KCNN2: variants seen among roughly 807,000 people sequenced by gnomAD.
KCNN2 encodes small conductance calcium-activated potassium channel protein 2.
In KCNN2, 24 loss-of-function variants were observed where a neutral mutation model predicts 55.5. That is an observed-to-expected ratio of 0.43 (90% CI 0.31 to 0.61). The LOEUF is 0.61. Ranked by LOEUF, KCNN2 falls within the 20% of genes least tolerant of loss-of-function variation. The pLI is 0.08. For synonymous variants in KCNN2, 431 were observed against 336.1 expected, an observed-to-expected ratio of 1.28 and a Z score of -3.09; for missense variants, 754 against 853.6, an observed-to-expected ratio of 0.88 and a Z score of 1.45.
chr5:114,083,057 A>C (rs1026236081), intron 1 of KCNN2, among the ~76,000 whole-genome samples: 1 of 152,170 alleles, frequency 6.6e-6, no homozygotes, highest in African/African-American at 2.4e-5. Flanking sequence ...TTAAGATGGC[A>C]AATTTTGTCA....
rs188250878 is a variant in KCNN2, at chr5:114,297,447, A to G, written c.-184-63498A>G. 5.9e-5 allele frequency among the ~76,000 whole-genome samples: 9 copies of G among 152,326 alleles called. No homozygotes were observed. In the East Asian group the frequency reaches 1.5e-3, roughly 26 times the overall value. On this transcript the variant is annotated intron_variant, in intron 2 of 10. Coordinates refer to the KCNN2 transcript ENST00000512097. The stretch of plus-strand genomic sequence containing the variant: ...TTGCTCTTTATTCAGAGAAAAGAAT[A>G]TGTGCTACTTGATGACAGTGACAGT...
At chr5:114,179,145 A>C (rs1753189830) in intron 1 of KCNN2, among the ~76,000 whole-genome samples, 1 of 152,204 alleles carries the variant, frequency 6.6e-6, no homozygotes, top group African/African-American at 2.4e-5. Flanking sequence ...ACAGTTCTTG[A>C]TGGTCAGCAA....
intron 5 of KCNN2, among the ~76,000 whole-genome samples, chr5:114,482,557 T>C (rs1762272330): frequency 6.6e-6 from 1 of 152,152 alleles, no homozygotes; most frequent in South Asian, 2.1e-4. Context: ...AATCATTCTA[T>C]TATAAACATA....
At chr5:114,091,017 T>A (rs920215814) in intron 1 of KCNN2, among the ~76,000 whole-genome samples, 129 of 152,100 alleles carry the variant, frequency 8.5e-4, no homozygotes, top group Middle Eastern at 3.2e-3. Flanking sequence ...TTTTATTTTA[T>A]TTTGTAGAGA....
chr5:114,390,684 A>C (rs1241732110), intron 2 of KCNN2, among the ~76,000 whole-genome samples: 1 of 152,112 alleles, frequency 6.6e-6, no homozygotes, highest in South Asian at 2.1e-4. Context: ...TGCTTGACTC[A>C]ATTCCAGAGT....
At chr5:114,099,023 A>G (rs1751320182) in intron 1 of KCNN2, among the ~76,000 whole-genome samples, 1 of 152,198 alleles carries the variant, frequency 6.6e-6, no homozygotes. Flanking sequence ...ATATTAAAAT[A>G]TAAATGACTT....
At chr5:114,092,585 C>T (rs7341055) in intron 1 of KCNN2, among the ~76,000 whole-genome samples, 3 of 152,284 alleles carry the variant, frequency 2.0e-5, no homozygotes, top group African/African-American at 7.2e-5. Context: ...TCTGCACCAC[C>T]CTAGCAGAGT....
intron 1 of KCNN2, among the ~76,000 whole-genome samples, chr5:114,201,969 A>G (rs915218085): frequency 6.6e-6 from 1 of 152,080 alleles, no homozygotes; most frequent in African/African-American, 2.4e-5. Flanking sequence ...CTCCCAGGCA[A>G]GCAGCATGGG....
At chr5:114,493,834 A>G (rs1180369619) in intron 7 of KCNN2, among the ~76,000 whole-genome samples, 1 of 152,178 alleles carries the variant, frequency 6.6e-6, no homozygotes, top group African/African-American at 2.4e-5. Context: ...ATATTCAGGA[A>G]TGAATAGGAC....
intron 2 of KCNN2, among the ~76,000 whole-genome samples, chr5:114,249,320 G>A (rs977922227): frequency 2.7e-5 from 4 of 146,692 alleles, no homozygotes; most frequent in African/African-American, 1.0e-4. Context: ...ATCTGGCTCT[G>A]TCACCTAGGC....
At chr5:114,139,715 A>AT (rs971300762) in intron 1 of KCNN2, among the ~76,000 whole-genome samples, 72 of 150,700 alleles carry the variant, frequency 4.8e-4, no homozygotes, top group African/African-American at 1.6e-3. Flanking sequence ...ACACTTGTAT[A>AT]TTTTTTTTTC....
At chr5:114,346,684 A>G (rs1470150324) in intron 2 of KCNN2, among the ~76,000 whole-genome samples, 10 of 151,814 alleles carry the variant, frequency 6.6e-5, no homozygotes, top group Non-Finnish European at 2.9e-5. Context: ...TGTATCTCTG[A>G]TAGCTGAAAG....
At chr5:114,343,021 C>T (rs1334557528) in intron 2 of KCNN2, among the ~76,000 whole-genome samples, 1 of 152,136 alleles carries the variant, frequency 6.6e-6, no homozygotes, top group Non-Finnish European at 1.5e-5. Flanking sequence ...TTTTTGAGCT[C>T]TTATGCTGTG....
intron 1 of KCNN2, among the ~76,000 whole-genome samples, chr5:114,060,064 G>A (rs1489896789): frequency 6.6e-6 from 1 of 152,256 alleles, no homozygotes; most frequent in African/African-American, 2.4e-5. Context: ...ACCTCAGGCT[G>A]TGTGTTGTCC....
intron 2 of KCNN2, among the ~76,000 whole-genome samples, chr5:114,376,112 A>T (rs1757930163): frequency 7.1e-6 from 1 of 141,764 alleles, no homozygotes; most frequent in Admixed American, 6.7e-5. Context: ...GATGTTTCTT[A>T]CACTGGGGAA....
chr5:114,418,772 A>G (rs2150079348), intron 3 of KCNN2, among the ~76,000 whole-genome samples: 1 of 152,220 alleles, frequency 6.6e-6, no homozygotes, highest in East Asian at 1.9e-4. Flanking sequence ...TTTCTTGGGT[A>G]TTTCCTGAAA....
rs556339171 is a variant in KCNN2, at chr5:114,489,961, A to G, written c.2018+2784A>G. ...AGCAGCTCTCTGCTTCTACCAGTCCATGCTATCTCAACTCTGTTTCTCTTT... is the reference window on the plus strand; with the variant it reads ...AGCAGCTCTCTGCTTCTACCAGTCCGTGCTATCTCAACTCTGTTTCTCTTT... On this transcript the variant is annotated intron_variant, in intron 6 of 7. Coordinates refer to ENST00000673685, the MANE Select transcript of KCNN2 (RefSeq NM_021614.4). Among the ~76,000 whole-genome samples the G allele has an allele frequency of 1.0e-3, 155 of 152,152 alleles. 1 individual carries two copies. The highest frequency in any genetic ancestry group is 1.7e-3 in the Non-Finnish European group (117 of 68,018).
Position 114,404,831 on chromosome 5 carries a change from G to T in KCNN2, c.1612G>T (p.Ala538Ser). ...VFSISLWIIA[A>S]WTVRACERYH... ...TAGTATCTCATTATGGATAATTGCC[G>T]CATGGACTGTCCGAGCTTGTGAAAG... Residue 538 changes from alanine to serine, a missense_variant, in exon 3 of 8, where the codon GCA (alanine) becomes TCA (serine). Physicochemically the swap from Ala to Ser is moderately conservative, Grantham distance 99. Transcript: ENST00000673685. 1.2e-6 allele frequency: 2 copies of T among 1,612,596 alleles called. No individual in the cohort carries two copies. Among genetic ancestry groups the T allele is most frequent in the Non-Finnish European group, 1.7e-6 (2 of 1,178,880 alleles).
At chr5:114,069,798 A>G (rs1750529003) in intron 1 of KCNN2, among the ~76,000 whole-genome samples, 1 of 152,094 alleles carries the variant, frequency 6.6e-6, no homozygotes, top group Admixed American at 6.6e-5. Context: ...TCCCAACACA[A>G]CTGTCATCTC....
Sources: gnomAD v4.1 joint callset for allele counts (sites outside exome capture counted in the v4.1 genomes callset) on GRCh38, gnomAD v4.1.1 for gene constraint, MANE v1.5 for transcripts, NCBI Gene and HGNC (gene_info 2026-07-23, HGNC 2026-07-21) for gene names.